The following MYO1D variants were observed in gnomAD, a reference collection of about 807,000 sequenced individuals.
MYO1D encodes unconventional myosin-Id.
In MYO1D, 83 loss-of-function variants were observed where a neutral mutation model predicts 122.0. That is an observed-to-expected ratio of 0.68 (90% CI 0.57 to 0.82). MYO1D has a LOEUF of 0.82. Among genes scored for constraint, MYO1D ranks in the 40% least tolerant of loss-of-function variants. MYO1D has a pLI of 0.00. For synonymous variants in MYO1D, 464 were observed against 446.9 expected (o/e 1.04, Z -0.48); for missense variants, 1,157 against 1,269.5 (o/e 0.91, Z 1.35).
Position 32,494,726 on chromosome 17 carries a change from TGGCCGGGCTCCGGGCCA to T in MYO1D, c.*16_*32del. On this transcript the variant is annotated 3_prime_UTR_variant, in exon 22 of 22. Coordinates refer to ENST00000318217, the MANE Select transcript of MYO1D (RefSeq NM_015194.3). ...GGACTGGGACCCAGGACTCGGAGTG[TGGCCGGGCTCCGGGCCA>T]GGCCTCCGCGGGGCGTCAGTTCCCG... 1 of 1,554,326 alleles carries T rather than the reference TGGCCGGGCTCCGGGCCA, an allele frequency of 6.4e-7. No homozygotes were observed. The highest frequency in any genetic ancestry group is 2.4e-5 in the East Asian group (1 of 41,852).
intron 1 of MYO1D, among the ~76,000 whole-genome samples, chr17:32,818,184 G>C (rs1415686789): frequency 2.0e-5 from 3 of 149,422 alleles, no homozygotes; most frequent in Non-Finnish European, 4.4e-5. Flanking sequence ...TTGTGAAAGA[G>C]TTGAGATTCA....
chr17:32,573,212 T>C (rs1220767504), intron 21 of MYO1D, among the ~76,000 whole-genome samples: 1 of 152,226 alleles, frequency 6.6e-6, no homozygotes, highest in Non-Finnish European at 1.5e-5. Flanking sequence ...ACTATTTAAA[T>C]AATGTCCCCA....
At chr17:32,563,191 CT>C (rs910170514) in intron 21 of MYO1D, among the ~76,000 whole-genome samples, 1 of 134,090 alleles carries the variant, frequency 7.5e-6, no homozygotes, top group African/African-American at 2.7e-5. Context: ...AATTACAGCT[CT>C]TTTTTTCTTC....
intron 21 of MYO1D, among the ~76,000 whole-genome samples, chr17:32,595,159 T>C (rs1158839073): frequency 6.6e-6 from 1 of 152,148 alleles, no homozygotes; most frequent in Non-Finnish European, 1.5e-5. Context: ...GTGGCAGGGA[T>C]AGCCAGAAGT....
At chr17:32,519,900 T>TA (rs1567875067) in intron 21 of MYO1D, among the ~76,000 whole-genome samples, 21 of 148,480 alleles carry the variant, frequency 1.4e-4, no homozygotes, top group East Asian at 9.8e-4. Flanking sequence ...CTTTTTTTTT[T>TA]TAAAAAAAAA....
At chr17:32,577,733 ATTTC>A (rs779022037) in intron 21 of MYO1D, among the ~76,000 whole-genome samples, 1 of 150,940 alleles carries the variant, frequency 6.6e-6, no homozygotes, top group Non-Finnish European at 1.5e-5. Flanking sequence ...TCAGATACAT[ATTTC>A]TTTTTTTTTT....
intron 21 of MYO1D, among the ~76,000 whole-genome samples, chr17:32,545,728 C>T (rs577105694): frequency 3.3e-5 from 5 of 151,584 alleles, no homozygotes; most frequent in East Asian, 1.9e-4. Flanking sequence ...ATATGCAATT[C>T]GCCACATGAA....
intron 21 of MYO1D, among the ~76,000 whole-genome samples, chr17:32,502,482 A>T (rs570515697): frequency 1.3e-5 from 2 of 152,184 alleles, no homozygotes; most frequent in South Asian, 4.1e-4. Context: ...GGAACTAGGT[A>T]GAGGTGATGG....
At chr17:32,700,225 C>T (rs555512405) in intron 16 of MYO1D, among the ~76,000 whole-genome samples, 22 of 152,300 alleles carry the variant, frequency 1.4e-4, no homozygotes, top group African/African-American at 2.6e-4. Flanking sequence ...GGGATGGTTT[C>T]GGGATGAAAC....
chr17:32,755,190 T>A (rs1351468044), intron 11 of MYO1D, among the ~76,000 whole-genome samples: 1 of 152,222 alleles, frequency 6.6e-6, no homozygotes, highest in African/African-American at 2.4e-5. Context: ...GGACTCTACA[T>A]CTATTGGTTA....
At position 32,758,528 on chromosome 17, in the gene MYO1D, T is replaced by C. The variant is rs147686388; in HGVS notation, c.1296+1762A>G. On this transcript the variant is annotated intron_variant, in intron 10 of 21. Coordinates refer to ENST00000318217, the MANE Select transcript of MYO1D (RefSeq NM_015194.3). ...AAATATTTACTGAATAGATACCCAA[T>C]TGAATAGATGAAATAATGTGATATC... Among the ~76,000 whole-genome samples the C allele has an allele frequency of 3.8e-3, 584 of 152,226 alleles. 3 individuals are homozygous for C. Among genetic ancestry groups the C allele is most frequent in the African/African-American group, 0.013 (522 of 41,542 alleles).
Position 32,780,583 on chromosome 17 carries a change from C to A in MYO1D, c.297G>T (p.Val99=), listed in dbSNP as rs1206561668. The A allele has an allele frequency of 6.2e-7, 1 of 1,613,968 alleles. No homozygotes were observed. Among genetic ancestry groups the A allele is most frequent in the East Asian group, 2.2e-5 (1 of 44,880 alleles). Residue 99 remains valine (V), a synonymous_variant, in exon 2 of 22, where the codon GTG becomes GTT. Transcript: ENST00000318217. ...GGGATCCCCTCCAATTACCTGATAT[C>A]ACAATACAAGTGTCTTTTGATCGCC... ...MKRRSKDTCI[V]ISGESGAGKT...
At chr17:32,847,671 C>T (rs977790834) in intron 1 of MYO1D, among the ~76,000 whole-genome samples, 5 of 152,066 alleles carry the variant, frequency 3.3e-5, no homozygotes, top group South Asian at 2.1e-4. Flanking sequence ...TGCCCCATCA[C>T]GCCTGGCTAA....
chr17:32,696,370 T>TG (rs1232013119), intron 16 of MYO1D, among the ~76,000 whole-genome samples: 1 of 151,282 alleles, frequency 6.6e-6, no homozygotes, highest in Non-Finnish European at 1.5e-5. Flanking sequence ...TTATTCTGAG[T>TG]GGAAAAAAAA....
chr17:32,705,176 T>C (rs1055464586), intron 16 of MYO1D, among the ~76,000 whole-genome samples: 2 of 151,882 alleles, frequency 1.3e-5, no homozygotes, highest in Non-Finnish European at 2.9e-5. Context: ...AGATAGAAAA[T>C]ACAATATTCA....
intron 21 of MYO1D, among the ~76,000 whole-genome samples, chr17:32,515,656 T>C (rs902783638): frequency 6.6e-6 from 1 of 152,204 alleles, no homozygotes; most frequent in Non-Finnish European, 1.5e-5. Flanking sequence ...ATAGTTCTTT[T>C]TGGATATTTT....
At chr17:32,536,397 A>C (rs1379109868) in intron 21 of MYO1D, among the ~76,000 whole-genome samples, 1 of 152,218 alleles carries the variant, frequency 6.6e-6, no homozygotes, top group Non-Finnish European at 1.5e-5. Flanking sequence ...ATATTAAATC[A>C]CAAGTCATAT....
chr17:32,722,647 C>T (rs1036722627), intron 14 of MYO1D, among the ~76,000 whole-genome samples: 5 of 152,202 alleles, frequency 3.3e-5, no homozygotes, highest in East Asian at 3.8e-4. Context: ...GCCTTATCTC[C>T]ATCTGCAACC....
chr17:32,636,344 G>A (rs569932048), intron 20 of MYO1D, among the ~76,000 whole-genome samples: 1 of 152,206 alleles, frequency 6.6e-6, no homozygotes, highest in South Asian at 2.1e-4. Flanking sequence ...TTTTAAAAAG[G>A]TTCTTTATCT....
Sources: allele counts gnomAD v4.1 joint callset (sites outside exome capture counted in the v4.1 genomes callset), GRCh38; gene constraint gnomAD v4.1.1; transcripts MANE v1.5; gene names NCBI Gene and HGNC (gene_info 2026-07-23, HGNC 2026-07-21).